The following PATJ variants were observed in gnomAD, a reference collection of about 807,000 sequenced individuals.
PATJ encodes PATJ crumbs cell polarity complex component, also known as inaD-like protein.
PATJ carries 190 observed loss-of-function variants against 224.9 expected under a neutral mutation model. The observed-to-expected ratio is 0.84, with a 90% CI of 0.75 to 0.95. The LOEUF is 0.95. Among genes scored for constraint, PATJ ranks in the 40% least tolerant of loss-of-function variants. The pLI is 0.00. For synonymous variants in PATJ, 769 were observed against 820.3 expected (o/e 0.94, Z 1.07); for missense variants, 2,121 against 2,270.3 (o/e 0.93, Z 1.34).
rs36195976 is a variant in PATJ at position 61,884,344 on chromosome 1, C to T, written c.3067C>T (p.Arg1023Ter). Residue 1023 changes from arginine (R) to a stop codon, truncating the protein, a stop_gained, in exon 22 of 44, where the codon CGA (arginine) becomes TGA (stop). Coordinates refer to ENST00000642238, the MANE Select transcript of PATJ (RefSeq NM_001350145.3). LOFTEE classifies it high-confidence loss of function. ...DLPLYQHQAT[R>*]VISKASAYTG... ...GCCTTTATATCAACACCAAGCGACA[C>T]GAGTTATTTCCAAGGCCTCAGCATA... The T allele has an allele frequency of 1.9e-4, 301 of 1,612,984 alleles. 1 individual carries two copies. The highest frequency in any genetic ancestry group is 5.3e-5 in the African/African-American group (4 of 74,866).
chr1:61,809,387 C>CTT (rs747444674), intron 14 of PATJ, among the ~76,000 whole-genome samples: 4 of 137,924 alleles, frequency 2.9e-5, no homozygotes, highest in Admixed American at 7.3e-5. Flanking sequence ...AATGTATTTT[C>CTT]TTTTTTTTTT....
chr1:61,939,713 C>A (rs1215522602), intron 27 of PATJ, among the ~76,000 whole-genome samples: 1 of 92,612 alleles, frequency 1.1e-5, no homozygotes, highest in African/African-American at 4.6e-5. Context: ...GAGACGTTGT[C>A]GCCCATGCTG....
chr1:61,911,510 A>C (rs1445313050), intron 25 of PATJ, among the ~76,000 whole-genome samples: 1 of 151,894 alleles, frequency 6.6e-6, no homozygotes, highest in Non-Finnish European at 1.5e-5. Flanking sequence ...TACACCTTTT[A>C]AATCTTCTTA....
At chr1:62,036,039 A>G (rs890865625) in intron 29 of PATJ, among the ~76,000 whole-genome samples, 3 of 152,108 alleles carry the variant, frequency 2.0e-5, no homozygotes, top group Non-Finnish European at 4.4e-5. Context: ...GGCATAAGTG[A>G]GCAAGGGGAA....
chr1:62,001,778 A>G lies in PATJ; in HGVS notation c.3867+11414A>G, dbSNP rs541126815. On this transcript the variant is annotated intron_variant, in intron 28 of 43. Coordinates refer to ENST00000642238, the MANE Select transcript of PATJ (RefSeq NM_001350145.3). ...GAATCTATAAATTACCTTAGGCAGTATGGCCATTTTCACGATATTGATTCT... is the reference window on the plus strand; with the variant it reads ...GAATCTATAAATTACCTTAGGCAGTGTGGCCATTTTCACGATATTGATTCT... Among the ~76,000 whole-genome samples the G allele has an allele frequency of 8.9e-4, 136 of 152,044 alleles. 1 individual carries two copies. The highest frequency in any genetic ancestry group is 3.3e-3 in the African/African-American group (135 of 41,454).
chr1:61,991,650 C>T, intron 28 of PATJ: 1 of 985,328 alleles, frequency 1.0e-6, no homozygotes, highest in Non-Finnish European at 1.2e-6. Flanking sequence ...AAGTCACTTC[C>T]AGGATTACTT....
intron 37 of PATJ, among the ~76,000 whole-genome samples, chr1:62,119,380 A>G (rs938360855): frequency 6.6e-6 from 1 of 152,326 alleles, no homozygotes; most frequent in East Asian, 1.9e-4. Flanking sequence ...TCTTGTAGGA[A>G]CACAGATTTC....
At chr1:61,950,077 G>A (rs1188952620) in intron 27 of PATJ, among the ~76,000 whole-genome samples, 1 of 152,120 alleles carries the variant, frequency 6.6e-6, no homozygotes, top group Non-Finnish European at 1.5e-5. Context: ...GGTGGCACGT[G>A]CCTGTAATCC....
At chr1:62,052,412 C>G (rs2476181) in intron 31 of PATJ, among the ~76,000 whole-genome samples, 87,781 of 148,220 alleles carry the variant, frequency 0.59, 26,541 homozygotes, top group African/African-American at 0.72. Context: ...ATGAAGAGTA[C>G]TAGCAGTTTA....
intron 7 of PATJ, 142 bp downstream of exon 7, chr1:61,775,476 T>A: frequency 1.4e-6 from 1 of 696,760 alleles, no homozygotes; most frequent in Non-Finnish European, 2.3e-6. Context: ...ATTTATTCTG[T>A]AAGTATTATT....
intron 30 of PATJ, among the ~76,000 whole-genome samples, chr1:62,048,879 A>T (rs1485330383): frequency 6.6e-6 from 1 of 152,110 alleles, no homozygotes; most frequent in Non-Finnish European, 1.5e-5. Flanking sequence ...TGGTTTTGGG[A>T]TGCTCAGCTG....
At chr1:61,773,077 A>G (rs1180299913) in intron 6 of PATJ, among the ~76,000 whole-genome samples, 2 of 152,114 alleles carry the variant, frequency 1.3e-5, no homozygotes, top group Non-Finnish European at 2.9e-5. Flanking sequence ...GCTGGACTGC[A>G]GGGCGTGATC....
intron 43 of PATJ, among the ~76,000 whole-genome samples, chr1:62,156,429 C>A (rs935975433): frequency 1.3e-5 from 2 of 151,860 alleles, no homozygotes; most frequent in Non-Finnish European, 2.9e-5. Context: ...ACTCGGGAGG[C>A]TGAGGCACGA....
At chr1:62,081,846 C>T (rs1407115049) in intron 32 of PATJ, among the ~76,000 whole-genome samples, 4 of 152,194 alleles carry the variant, frequency 2.6e-5, no homozygotes, top group African/African-American at 4.8e-5. Flanking sequence ...AGGTTACAGG[C>T]GTGAGCCACC....
chr1:62,070,210 G>A (rs1299737894), intron 31 of PATJ, among the ~76,000 whole-genome samples: 1 of 152,184 alleles, frequency 6.6e-6, no homozygotes, highest in African/African-American at 2.4e-5. Context: ...ATACACACTG[G>A]TAGGAGTAAC....
intron 30 of PATJ, among the ~76,000 whole-genome samples, chr1:62,042,571 G>A (rs1301080468): frequency 1.3e-5 from 2 of 151,998 alleles, no homozygotes; most frequent in Non-Finnish European, 2.9e-5. Context: ...TAATAATTCA[G>A]TATTATTAAG....
chr1:62,117,553 CACA>C (rs902549563), intron 37 of PATJ: 16 of 261,218 alleles, frequency 6.1e-5, no homozygotes, highest in South Asian at 4.4e-4. Flanking sequence ...CCCTCATTAG[CACA>C]ACATTGTTCT....
chr1:61,865,276 A>C (rs367864929), intron 20 of PATJ: 1 of 146,626 alleles, frequency 6.8e-6, no homozygotes. Flanking sequence ...AGTGCAGTGC[A>C]GTGGCATATT....
chr1:62,055,030 G>A (rs1267423908), intron 31 of PATJ, among the ~76,000 whole-genome samples: 1 of 151,994 alleles, frequency 6.6e-6, no homozygotes, highest in Non-Finnish European at 1.5e-5. Context: ...ACTCCAGCCT[G>A]GCAACAGAGC....
Sources: allele counts gnomAD v4.1 joint callset (sites outside exome capture counted in the v4.1 genomes callset), GRCh38; gene constraint gnomAD v4.1.1; transcripts MANE v1.5; gene names NCBI Gene and HGNC (gene_info 2026-07-23, HGNC 2026-07-21).